The following SHROOM3 variants were observed in gnomAD, a reference collection of about 807,000 sequenced individuals.
The protein encoded by SHROOM3 is shroom family member 3, also known as protein Shroom3.
A neutral mutation model predicts 138.6 loss-of-function variants in SHROOM3; 47 were observed. The ratio of observed to expected loss-of-function variants is 0.34; its 90% CI spans 0.27 to 0.43. SHROOM3 has a LOEUF of 0.43. Ranked by LOEUF, SHROOM3 falls within the 20% of genes least tolerant of loss-of-function variation. The pLI is 1.00. For synonymous variants in SHROOM3, 1,062 were observed against 1,063.3 expected (o/e 1.00, Z 0.02); for missense variants, 2,491 against 2,596.5 (o/e 0.96, Z 0.88).
intron 3 of SHROOM3, among the ~76,000 whole-genome samples, chr4:76,719,093 G>C (rs1264587884): frequency 6.6e-6 from 1 of 152,018 alleles, no homozygotes; most frequent in African/African-American, 2.4e-5. Flanking sequence ...AAGTCCTCTG[G>C]GAAAGCTCCC....
chr4:76,590,959 C>T (rs1734261082), intron 2 of SHROOM3, among the ~76,000 whole-genome samples: 1 of 152,054 alleles, frequency 6.6e-6, no homozygotes, highest in Non-Finnish European at 1.5e-5. Context: ...CTAATTTTAC[C>T]ATGATGATGT....
intron 2 of SHROOM3, among the ~76,000 whole-genome samples, chr4:76,595,880 T>C (rs1387420796): frequency 1.3e-5 from 2 of 152,208 alleles, no homozygotes; most frequent in African/African-American, 4.8e-5. Flanking sequence ...GAGTGTTTCT[T>C]TGTAATTTTA....
At chr4:76,569,237 T>G (rs1168904290) in intron 2 of SHROOM3, among the ~76,000 whole-genome samples, 1 of 148,216 alleles carries the variant, frequency 6.7e-6, no homozygotes, top group Non-Finnish European at 1.5e-5. Flanking sequence ...TAGACCGAAA[T>G]CCAATTTGTC....
intron 3 of SHROOM3, among the ~76,000 whole-genome samples, chr4:76,714,462 T>C (rs1720315692): frequency 6.6e-6 from 1 of 152,226 alleles, no homozygotes; most frequent in African/African-American, 2.4e-5. Flanking sequence ...GATGTTGTTT[T>C]CTTCTGTCTC....
intron 2 of SHROOM3, among the ~76,000 whole-genome samples, chr4:76,571,515 T>C (rs886286601): frequency 1.6e-4 from 25 of 152,348 alleles, no homozygotes; most frequent in African/African-American, 5.5e-4. Context: ...CATTTGACAT[T>C]AGCAAGTTTA....
chr4:76,746,665 G>A (rs1308720600), intron 5 of SHROOM3, among the ~76,000 whole-genome samples: 1 of 152,004 alleles, frequency 6.6e-6, no homozygotes, highest in Non-Finnish European at 1.5e-5. Context: ...GTAGTTACTT[G>A]AAATATTCTA....
intron 1 of SHROOM3, among the ~76,000 whole-genome samples, chr4:76,536,131 A>AT (rs1380804174): frequency 3.9e-5 from 6 of 152,244 alleles, no homozygotes; most frequent in Non-Finnish European, 7.3e-5. Context: ...GCACTATTGA[A>AT]TAAAGCCATT....
chr4:76,600,302 C>T (rs963445393), intron 2 of SHROOM3, among the ~76,000 whole-genome samples: 11 of 150,800 alleles, frequency 7.3e-5, no homozygotes, highest in African/African-American at 2.4e-4. Context: ...AGTTCCATGC[C>T]ACGTGAGTCA....
intron 6 of SHROOM3, among the ~76,000 whole-genome samples, chr4:76,750,298 A>G (rs1721577274): frequency 6.6e-6 from 1 of 152,192 alleles, no homozygotes; most frequent in African/African-American, 2.4e-5. Context: ...AACAACAAAC[A>G]ATCAAATAAC....
chr4:76,547,790 T>C (rs1287649998), intron 1 of SHROOM3, among the ~76,000 whole-genome samples: 2 of 151,990 alleles, frequency 1.3e-5, no homozygotes, highest in African/African-American at 4.8e-5. Flanking sequence ...ATTAACTGGA[T>C]GTGGTAGCGT....
At chr4:76,731,374 C>T (rs775789735) in intron 4 of SHROOM3, among the ~76,000 whole-genome samples, 2 of 152,204 alleles carry the variant, frequency 1.3e-5, no homozygotes, top group Non-Finnish European at 2.9e-5. Flanking sequence ...TTAGCTCCAA[C>T]GGCACAACTA....
chr4:76,521,997 A>T (rs1732576042), intron 1 of SHROOM3, among the ~76,000 whole-genome samples: 1 of 152,140 alleles, frequency 6.6e-6, no homozygotes. Flanking sequence ...GTGAGGAAAC[A>T]ATCAGACAAA....
chr4:76,759,763 C>T lies in SHROOM3; in HGVS notation c.5349+68C>T, dbSNP rs556590243. 1.1e-3 allele frequency: 1,652 copies of T among 1,560,296 alleles called. 3 individuals carry two copies. Among genetic ancestry groups the T allele is most frequent in the Non-Finnish European group, 8.5e-4 (978 of 1,147,346 alleles). Reference sequence around the variant, plus strand: ...AAATTGACAAGGTCCATGTAATCAGCGTGGTGACTGGGCCTCTTGAGGCAG... The same window carrying T: ...AAATTGACAAGGTCCATGTAATCAGTGTGGTGACTGGGCCTCTTGAGGCAG... On this transcript the variant is annotated intron_variant, in intron 9 of 10. Coordinates refer to ENST00000296043, the MANE Select transcript of SHROOM3 (RefSeq NM_020859.4).
At chr4:76,568,195 G>A (rs891076275) in intron 2 of SHROOM3, among the ~76,000 whole-genome samples, 1 of 152,192 alleles carries the variant, frequency 6.6e-6, no homozygotes, top group African/African-American at 2.4e-5. Flanking sequence ...CCAGCTCCAA[G>A]CCAGGCTGCC....
At chr4:76,646,947 A>G (rs898218563) in intron 2 of SHROOM3, among the ~76,000 whole-genome samples, 2 of 152,216 alleles carry the variant, frequency 1.3e-5, no homozygotes, top group Non-Finnish European at 2.9e-5. Flanking sequence ...AGAAATCAGT[A>G]TATCAAAGGG....
intron 1 of SHROOM3, among the ~76,000 whole-genome samples, chr4:76,545,363 T>C (rs1045831599): frequency 4.6e-5 from 7 of 152,202 alleles, no homozygotes; most frequent in Non-Finnish European, 7.4e-5. Context: ...CAGGGAGCTG[T>C]AAATCAAGAA....
At chr4:76,478,634 G>A (rs911336620) in intron 1 of SHROOM3, among the ~76,000 whole-genome samples, 3 of 152,190 alleles carry the variant, frequency 2.0e-5, no homozygotes, top group Non-Finnish European at 4.4e-5. Flanking sequence ...TATGCTAAGG[G>A]ACAGACTGCC....
At chr4:76,608,072 A>G (rs1198869879) in intron 2 of SHROOM3, among the ~76,000 whole-genome samples, 1 of 152,164 alleles carries the variant, frequency 6.6e-6, no homozygotes, top group East Asian at 1.9e-4. Flanking sequence ...GAGGCTGACT[A>G]CATAGGCTGA....
At chr4:76,687,442 C>A (rs1366806140) in intron 2 of SHROOM3, among the ~76,000 whole-genome samples, 1 of 152,168 alleles carries the variant, frequency 6.6e-6, no homozygotes, top group Non-Finnish European at 1.5e-5. Context: ...TACACATACA[C>A]ACACTTGATA....
Sources: gnomAD v4.1 joint callset for allele counts (sites outside exome capture counted in the v4.1 genomes callset) on GRCh38, gnomAD v4.1.1 for gene constraint, MANE v1.5 for transcripts, NCBI Gene and HGNC (gene_info 2026-07-23, HGNC 2026-07-21) for gene names.